The following DTL variants were observed in gnomAD, a reference collection of about 807,000 sequenced individuals.
DTL encodes the protein denticleless E3 ubiquitin protein ligase adapter, also known as denticleless protein homolog.
Under a neutral mutation model 87.0 loss-of-function variants are expected in DTL, and 46 were observed. That is an observed-to-expected ratio of 0.53 (90% CI 0.42 to 0.68). The LOEUF (loss-of-function observed/expected upper bound fraction) is 0.68. Ranked by LOEUF, DTL falls within the 30% of genes least tolerant of loss-of-function variation. The pLI is 0.00. For synonymous variants in DTL, 308 were observed against 311.2 expected, an observed-to-expected ratio of 0.99 and a Z score of 0.11; for missense variants, 737 against 869.4, an observed-to-expected ratio of 0.85 and a Z score of 1.91.
chr1:212,080,781 T>C (rs1302799571), intron 13 of DTL, 31 bp downstream of exon 13: 13 of 1,610,610 alleles, frequency 8.1e-6, no homozygotes, highest in Non-Finnish European at 1.1e-5. Flanking sequence ...CCAAGTTTTT[T>C]ATGGTTTGAC....
intron 5 of DTL, chr1:212,052,130 A>C (rs1668003442): frequency 1.5e-6 from 1 of 673,022 alleles, no homozygotes; most frequent in Non-Finnish European, 2.7e-6. Context: ...GCTTTCATTG[A>C]GAACTCTGTG....
chr1:212,080,213 G>A (rs895956221), intron 12 of DTL, among the ~76,000 whole-genome samples: 5 of 151,718 alleles, frequency 3.3e-5, no homozygotes, highest in Non-Finnish European at 5.9e-5. Context: ...GGCACAACAT[G>A]CAGAATTCAG....
At chr1:212,070,999 G>A (rs1330202330) in intron 10 of DTL, among the ~76,000 whole-genome samples, 1 of 152,140 alleles carries the variant, frequency 6.6e-6, no homozygotes. Flanking sequence ...TACAGTTTTA[G>A]AACAATGTTC....
rs757946526 is a variant in DTL at position 212,064,908 on chromosome 1, A to G, written c.527-9A>G. 12 of 1,607,624 alleles carry G rather than the reference A, an allele frequency of 7.5e-6. No individual in the cohort carries two copies. The highest frequency in any genetic ancestry group is 1.1e-5 in the South Asian group (1 of 90,952). ...CCTGAAACCTAAATTTCCTTGGAATATCTTTCAGATGGGTTTTATAGGCAA... is the reference window on the plus strand; with the variant it reads ...CCTGAAACCTAAATTTCCTTGGAATGTCTTTCAGATGGGTTTTATAGGCAA... On this transcript the variant is annotated splice_polypyrimidine_tract_variant and intron_variant, in intron 6 of 14. Transcript: ENST00000366991.
At chr1:212,101,203 G>C (rs1374935524) in intron 14 of DTL, 119 bp downstream of exon 14, 1 of 737,494 alleles carries the variant, frequency 1.4e-6, no homozygotes. Context: ...TATTCCTAGT[G>C]CTGCCAAATT....
chr1:212,044,636 T>A, intron 2 of DTL, 24 bp from the exon 3 acceptor site: 4 of 1,477,018 alleles, frequency 2.7e-6, no homozygotes, highest in Non-Finnish European at 2.8e-6. Flanking sequence ...ACTCTATATA[T>A]TTTTTTCTTT....
chr1:212,101,527 A>G lies in DTL; in HGVS notation c.2094+443A>G, dbSNP rs562439638. On this transcript the variant is annotated intron_variant, in intron 14 of 14. Coordinates refer to ENST00000366991, the MANE Select transcript of DTL (RefSeq NM_016448.4). Reference sequence around the variant, plus strand: ...GTTCATGGGAAAGTTGCCAACATCCATAAGTAGATTTCCAGTTTGTAATTC... The same window carrying G: ...GTTCATGGGAAAGTTGCCAACATCCGTAAGTAGATTTCCAGTTTGTAATTC... Among the ~76,000 whole-genome samples the G allele has an allele frequency of 5.3e-5, 8 of 152,336 alleles. No homozygotes were observed. The South Asian group carries it at 1.2e-3, about 24-fold the overall frequency.
intron 13 of DTL, among the ~76,000 whole-genome samples, chr1:212,091,132 A>G (rs919956010): frequency 1.3e-5 from 2 of 152,222 alleles, no homozygotes; most frequent in East Asian, 3.8e-4. Flanking sequence ...TAATTTTAAA[A>G]TGGACAAAGG....
intron 10 of DTL, among the ~76,000 whole-genome samples, chr1:212,069,015 T>C (rs1412434651): frequency 6.6e-6 from 1 of 152,226 alleles, no homozygotes; most frequent in East Asian, 1.9e-4. Context: ...AAAGTGCTTC[T>C]GCTCAGCTTT....
At chr1:212,063,233 G>A (rs1248492639) in intron 6 of DTL, among the ~76,000 whole-genome samples, 3 of 151,436 alleles carry the variant, frequency 2.0e-5, no homozygotes, top group Non-Finnish European at 2.9e-5. Context: ...ATATTAATAC[G>A]CAGCCTCACT....
chr1:212,043,966 G>A (rs573118088), intron 2 of DTL, among the ~76,000 whole-genome samples: 1 of 152,298 alleles, frequency 6.6e-6, no homozygotes, highest in South Asian at 2.1e-4. Flanking sequence ...GTGCATGCCT[G>A]TAGTCCCAGC....
At chr1:212,102,028 C>T (rs1655639062) in intron 14 of DTL, among the ~76,000 whole-genome samples, 1 of 152,228 alleles carries the variant, frequency 6.6e-6, no homozygotes, top group South Asian at 2.1e-4. Flanking sequence ...TCAGCATCAT[C>T]TGCCATTTTA....
chr1:212,054,981 G>T (rs1310152048), intron 5 of DTL, among the ~76,000 whole-genome samples: 1 of 152,112 alleles, frequency 6.6e-6, no homozygotes, highest in Non-Finnish European at 1.5e-5. Context: ...AAAAAGTGCT[G>T]AATTAGATGA....
intron 14 of DTL, 70 bp downstream of exon 14, chr1:212,101,154 C>G (rs1655614673): frequency 3.1e-6 from 3 of 955,416 alleles, no homozygotes; most frequent in Non-Finnish European, 4.3e-6. Context: ...TGTCTCAAGT[C>G]AGGATGCTTT....
intron 13 of DTL, among the ~76,000 whole-genome samples, chr1:212,087,481 C>T (rs941061511): frequency 3.3e-5 from 5 of 151,384 alleles, no homozygotes; most frequent in Non-Finnish European, 5.9e-5. Context: ...ACCCGGGAGG[C>T]GGAGCTTGCA....
intron 11 of DTL, among the ~76,000 whole-genome samples, chr1:212,077,890 A>G (rs1654878825): frequency 6.6e-6 from 1 of 152,202 alleles, no homozygotes; most frequent in Non-Finnish European, 1.5e-5. Context: ...CAAAATATAT[A>G]TGGCTAGGTT....
At chr1:212,055,744 G>A (rs1668153911) in intron 5 of DTL, among the ~76,000 whole-genome samples, 1 of 152,164 alleles carries the variant, frequency 6.6e-6, no homozygotes, top group Admixed American at 6.5e-5. Flanking sequence ...GAAGCCTGGG[G>A]ATCACCCCAC....
chr1:212,090,422 T>C (rs1257933542), intron 13 of DTL, among the ~76,000 whole-genome samples: 1 of 152,176 alleles, frequency 6.6e-6, no homozygotes, highest in Non-Finnish European at 1.5e-5. Flanking sequence ...TAAATGCAAT[T>C]AGGTAATTAA....
At position 212,048,556 on chromosome 1, in the gene DTL, G is replaced by A. The variant is rs547814804; in HGVS notation, c.460+1139G>A. On this transcript the variant is annotated intron_variant, in intron 5 of 14. Coordinates refer to ENST00000366991, the MANE Select transcript of DTL (RefSeq NM_016448.4). ...AAATTGATTTTCCTATGTTTATATTGTTATAATGGACAAGGAAGATTTAAG... is the reference window on the plus strand; with the variant it reads ...AAATTGATTTTCCTATGTTTATATTATTATAATGGACAAGGAAGATTTAAG... 2.6e-5 allele frequency among the ~76,000 whole-genome samples: 4 copies of A among 152,234 alleles called. No homozygotes were observed. In the East Asian group the frequency reaches 7.7e-4, roughly 29 times the overall value.
Sources: gnomAD v4.1 joint callset for allele counts (sites outside exome capture counted in the v4.1 genomes callset) on GRCh38, gnomAD v4.1.1 for gene constraint, MANE v1.5 for transcripts, NCBI Gene and HGNC (gene_info 2026-07-23, HGNC 2026-07-21) for gene names.